Variants in DACH1 observed in about 807,000 individuals in gnomAD.
The protein encoded by DACH1 is dachshund family transcription factor 1, also known as dachshund homolog 1.
In DACH1, 12 loss-of-function variants were observed where a neutral mutation model predicts 54.2. The ratio of observed to expected loss-of-function variants is 0.22; its 90% confidence interval spans 0.14 to 0.36. DACH1 has a LOEUF of 0.36. DACH1 is among the 10% of genes least tolerant of loss of function. The pLI is 1.00. For synonymous variants in DACH1, 386 were observed against 366.2 expected, an observed-to-expected ratio of 1.05 and a Z score of -0.62; for missense variants, 805 against 929.8, an observed-to-expected ratio of 0.87 and a Z score of 1.75.
chr13:71,828,879 T>C (rs1888480905), intron 1 of DACH1, among the ~76,000 whole-genome samples: 1 of 151,894 alleles, frequency 6.6e-6, no homozygotes, highest in Admixed American at 6.6e-5. Context: ...TGCCTTATGC[T>C]TATACTGTTG....
intron 1 of DACH1, among the ~76,000 whole-genome samples, chr13:71,776,391 T>C (rs1045242659): frequency 1.3e-5 from 2 of 152,148 alleles, no homozygotes; most frequent in Non-Finnish European, 2.9e-5. Flanking sequence ...AACACCTATG[T>C]ATAATTGAGT....
Position 71,649,374 on chromosome 13 carries a change from A to G in DACH1, c.965-18657T>C, listed in dbSNP as rs1209528616. 1.3e-5 allele frequency among the ~76,000 whole-genome samples: 2 copies of G among 152,186 alleles called. 1 individual carries two copies. The highest frequency in any genetic ancestry group is 1.3e-4 in the Admixed American group (2 of 15,270). ...CATGAATGGATGAACTCTGTACCAC[A>G]TTTTAAAATTGTGTAAAATTTGGAT... On this transcript the variant is annotated intron_variant, in intron 2 of 10. Coordinates refer to ENST00000613252, the MANE Select transcript of DACH1 (RefSeq NM_080759.6).
At chr13:71,467,952 G>A (rs1260207333) in intron 10 of DACH1, among the ~76,000 whole-genome samples, 3 of 152,042 alleles carry the variant, frequency 2.0e-5, no homozygotes, top group South Asian at 2.1e-4. Flanking sequence ...AGGCAGCCCC[G>A]AAAACAGTTT....
chr13:71,482,334 C>T (rs367719750), intron 7 of DACH1, among the ~76,000 whole-genome samples: 3 of 151,974 alleles, frequency 2.0e-5, no homozygotes, highest in East Asian at 1.9e-4. Context: ...AATAATACTG[C>T]TAAGAAACAT....
chr13:71,717,881 A>C (rs1481835752), intron 1 of DACH1, among the ~76,000 whole-genome samples: 4 of 151,974 alleles, frequency 2.6e-5, no homozygotes, highest in Non-Finnish European at 4.4e-5. Context: ...TAGTCCAAAA[A>C]AACTTTTAAA....
intron 3 of DACH1, among the ~76,000 whole-genome samples, chr13:71,583,443 T>A (rs1298485288): frequency 1.3e-5 from 2 of 152,166 alleles, no homozygotes; most frequent in Admixed American, 6.5e-5. Context: ...AATCCTCAAC[T>A]TACAAAAATA....
At chr13:71,677,865 G>A (rs1172651773) in intron 2 of DACH1, among the ~76,000 whole-genome samples, 4 of 151,798 alleles carry the variant, frequency 2.6e-5, no homozygotes, top group African/African-American at 9.7e-5. Context: ...GATTACAGGC[G>A]CCCACCACCA....
At chr13:71,603,556 T>C (rs1271584107) in intron 3 of DACH1, among the ~76,000 whole-genome samples, 2 of 151,954 alleles carry the variant, frequency 1.3e-5, no homozygotes, top group Non-Finnish European at 2.9e-5. Flanking sequence ...TGCAGAGTTG[T>C]GATAGCATAG....
At chr13:71,807,615 C>A (rs1446010366) in intron 1 of DACH1, among the ~76,000 whole-genome samples, 1 of 152,132 alleles carries the variant, frequency 6.6e-6, no homozygotes, top group African/African-American at 2.4e-5. Context: ...GCTATTATGC[C>A]TTTGCTGAGA....
At chr13:71,646,337 CAA>C (rs1174658213) in intron 2 of DACH1, among the ~76,000 whole-genome samples, 1 of 97,874 alleles carries the variant, frequency 1.0e-5, no homozygotes. Context: ...AACTCCGTCT[CAA>C]AAAAAAAAAA....
At chr13:71,449,181 C>T (rs1255184653) in intron 10 of DACH1, among the ~76,000 whole-genome samples, 14 of 151,942 alleles carry the variant, frequency 9.2e-5, no homozygotes, top group Non-Finnish European at 1.8e-4. Flanking sequence ...CAAAAATTAG[C>T]GGGGCGTGGT....
intron 1 of DACH1, among the ~76,000 whole-genome samples, chr13:71,787,895 A>G (rs1188231082): frequency 6.6e-6 from 1 of 152,214 alleles, no homozygotes; most frequent in Non-Finnish European, 1.5e-5. Context: ...GGCTCATGTC[A>G]ATAAACAAAA....
chr13:71,854,492 A>C (rs905771047), intron 1 of DACH1, among the ~76,000 whole-genome samples: 1 of 152,036 alleles, frequency 6.6e-6, no homozygotes, highest in Non-Finnish European at 1.5e-5. Flanking sequence ...CTCTCCTTTC[A>C]TGCATTTTAT....
At chr13:71,754,837 A>C (rs1472495871) in intron 1 of DACH1, among the ~76,000 whole-genome samples, 1 of 152,188 alleles carries the variant, frequency 6.6e-6, no homozygotes, top group Non-Finnish European at 1.5e-5. Context: ...GTCTAATAAA[A>C]AACAAAGAGG....
chr13:71,674,901 C>T (rs1880456154), intron 2 of DACH1, among the ~76,000 whole-genome samples: 1 of 152,086 alleles, frequency 6.6e-6, no homozygotes. Flanking sequence ...TGTCTAGTAT[C>T]AAACCTCTCA....
At chr13:71,749,727 CTG>C (rs1377990856) in intron 1 of DACH1, among the ~76,000 whole-genome samples, 1 of 152,118 alleles carries the variant, frequency 6.6e-6, no homozygotes, top group Non-Finnish European at 1.5e-5. Context: ...ACTTGGGAAA[CTG>C]TTAGTCGTTT....
chr13:71,643,695 T>G (rs1594035301), intron 2 of DACH1, among the ~76,000 whole-genome samples: 1 of 147,702 alleles, frequency 6.8e-6, no homozygotes, highest in Admixed American at 7.6e-5. Context: ...TAAATGAACC[T>G]TTATTGCCTC....
chr13:71,460,279 C>T (rs1183731984), intron 10 of DACH1, among the ~76,000 whole-genome samples: 2 of 152,006 alleles, frequency 1.3e-5, no homozygotes, highest in African/African-American at 4.8e-5. Context: ...CACATCTTTT[C>T]CTGTGTTGAT....
At chr13:71,826,141 A>T (rs1888370472) in intron 1 of DACH1, among the ~76,000 whole-genome samples, 1 of 152,164 alleles carries the variant, frequency 6.6e-6, no homozygotes, top group African/African-American at 2.4e-5. Flanking sequence ...TTACAGCAAC[A>T]AAATTGTGTT....
Sources: allele counts gnomAD v4.1 joint callset (sites outside exome capture counted in the v4.1 genomes callset), GRCh38; gene constraint gnomAD v4.1.1; transcripts MANE v1.5; gene names NCBI Gene and HGNC (gene_info 2026-07-23, HGNC 2026-07-21).